CD72: variants seen among roughly 807,000 people sequenced by gnomAD.
The protein encoded by CD72 is B-cell differentiation antigen CD72.
CD72 carries 28 observed loss-of-function variants against 50.7 expected under a neutral mutation model. The observed-to-expected ratio is 0.55, with a 90% CI of 0.41 to 0.76. CD72 has a LOEUF of 0.76. Ranked by LOEUF, CD72 falls within the 30% of genes least tolerant of loss-of-function variation. The probability of loss-of-function intolerance (pLI) is 0.00; values close to 1 mark genes in which losing one functional copy is unlikely to be tolerated. For synonymous variants in CD72, 176 were observed against 171.2 expected (o/e 1.03, Z -0.22); for missense variants, 403 against 420.6 (o/e 0.96, Z 0.37).
chr9:35,611,982 G>A, intron 6 of CD72, 63 bp from the exon 7 acceptor site: 1 of 909,124 alleles, frequency 1.1e-6, no homozygotes, highest in Non-Finnish European at 1.9e-6. Context: ...GGAAGAAAAT[G>A]CACACCCTAG....
At chr9:35,623,426 C>A (rs937716401), upstream of CD72, among the ~76,000 whole-genome samples, 2 of 152,172 alleles carry the variant, frequency 1.3e-5, no homozygotes, top group Non-Finnish European at 2.9e-5. Flanking sequence ...GCCCCCTTAC[C>A]AAATACATCT....
At chr9:35,611,364 T>G (rs1339065992) in intron 7 of CD72, among the ~76,000 whole-genome samples, 4 of 152,172 alleles carry the variant, frequency 2.6e-5, no homozygotes, top group African/African-American at 9.7e-5. Flanking sequence ...TTGATCACAG[T>G]GAAGTGGAGC....
chr9:35,642,156 A>T (rs991510092), intron 1 of CD72, among the ~76,000 whole-genome samples: 1 of 152,160 alleles, frequency 6.6e-6, no homozygotes, highest in African/African-American at 2.4e-5. Context: ...TGAGGTCGGG[A>T]TCAGTCACGG....
chr9:35,632,778 G>A (rs1436826058), intron 1 of CD72, among the ~76,000 whole-genome samples: 4 of 150,688 alleles, frequency 2.7e-5, no homozygotes, highest in African/African-American at 4.9e-5. Context: ...GGTTTTCACC[G>A]TGTTGGCCAG....
chr9:35,612,704 G>A, intron 6 of CD72, 144 bp downstream of exon 6: 2 of 762,026 alleles, frequency 2.6e-6, no homozygotes, highest in South Asian at 3.5e-5. Flanking sequence ...AAGCTCAGAG[G>A]TCAAGAGTAT....
intron 1 of CD72, among the ~76,000 whole-genome samples, chr9:35,630,792 A>C (rs796520580): frequency 1.4e-4 from 21 of 152,308 alleles, no homozygotes; most frequent in African/African-American, 4.8e-4. Context: ...GGCTGGACGC[A>C]GTGGCTCACA....
chr9:35,618,029 G>C lies in CD72; in HGVS notation c.175C>G (p.Leu59Val). ...CTCTCCAGACCTGCTTTGTCCCCTA[G>C]TACAGAAGAAGCCAAGCTTGAGGGC... ...GVPSSLASSV[L>V]GDKAAVKSEQ... Residue 59 changes from leucine (L) to valine (V), a missense_variant, in exon 2 of 9, where the codon CTA becomes GTA. Transcript: ENST00000259633. The C allele has an allele frequency of 1.2e-6, 2 of 1,610,176 alleles. No individual in the cohort carries two copies. Among genetic ancestry groups the C allele is most frequent in the Non-Finnish European group, 1.7e-6 (2 of 1,176,388 alleles).
At chr9:35,615,910 C>A in intron 5 of CD72, 33 bp downstream of exon 5, 1 of 1,551,196 alleles carries the variant, frequency 6.4e-7, no homozygotes, top group Non-Finnish European at 8.9e-7. Flanking sequence ...TCCAATCCAT[C>A]CCTCCCTTCT....
intron 2 of CD72, 66 bp from the exon 3 acceptor site, chr9:35,617,313 C>A (rs551967200): frequency 2.0e-6 from 3 of 1,479,920 alleles, no homozygotes; most frequent in South Asian, 1.4e-5. Flanking sequence ...CTCCTGCGCA[C>A]CCGCTTCGCC....
At chr9:35,640,678 G>C (rs1293858519) in intron 1 of CD72, among the ~76,000 whole-genome samples, 2 of 152,240 alleles carry the variant, frequency 1.3e-5, no homozygotes, top group Non-Finnish European at 2.9e-5. Context: ...CGGCAGGTCT[G>C]CGACAGTGGC....
chr9:35,639,519 G>A (rs1172282592), intron 1 of CD72, among the ~76,000 whole-genome samples: 1 of 152,214 alleles, frequency 6.6e-6, no homozygotes, highest in Non-Finnish European at 1.5e-5. Flanking sequence ...CTGTCAAGGA[G>A]ACAGTGTAAA....
intron 1 of CD72, among the ~76,000 whole-genome samples, chr9:35,636,651 A>G (rs764250828): frequency 2.0e-5 from 3 of 152,154 alleles, no homozygotes; most frequent in African/African-American, 4.8e-5. Flanking sequence ...CCTATAAGTA[A>G]TTTCTTAAGA....
intron 1 of CD72, among the ~76,000 whole-genome samples, chr9:35,638,948 G>T (rs1235995224): frequency 6.6e-6 from 1 of 152,042 alleles, no homozygotes; most frequent in Non-Finnish European, 1.5e-5. Context: ...ACCCAGCCCA[G>T]TTCCTGGCCC....
intron 1 of CD72, among the ~76,000 whole-genome samples, chr9:35,638,866 G>A (rs10972536): frequency 0.048 from 7,272 of 152,010 alleles, 417 homozygotes; most frequent in East Asian, 0.3. Flanking sequence ...CTAGTTGAAG[G>A]GCTTAAAAAG....
At chr9:35,617,375 T>TG (rs1823082658) in intron 2 of CD72, 128 bp from the exon 3 acceptor site, 2 of 1,006,840 alleles carry the variant, frequency 2.0e-6, no homozygotes, top group South Asian at 3.4e-5. Context: ...AGAGCTGCTC[T>TG]GGGACACAGT....
upstream of CD72, among the ~76,000 whole-genome samples, chr9:35,623,677 G>T (rs970400557): frequency 6.6e-6 from 1 of 152,172 alleles, no homozygotes; most frequent in Non-Finnish European, 1.5e-5. Context: ...AGCTCTTTGG[G>T]AGGCCGAGGC....
At chr9:35,644,350 CAAAAAAAAAAAAAA>C (rs74176726) in intron 1 of CD72, among the ~76,000 whole-genome samples, 1 of 68,194 alleles carries the variant, frequency 1.5e-5, no homozygotes, top group African/African-American at 5.9e-5. Context: ...AACTCTGTCT[CAAAAAAAAAAAAAA>C]AAAAAAAAAA....
In CD72 at chr9:35,629,882, C is replaced by G. The variant is rs1432090553; in HGVS notation, n.409-11761G>C. 6.6e-5 allele frequency among the ~76,000 whole-genome samples: 10 copies of G among 152,222 alleles called. No individual in the cohort carries two copies. The South Asian group carries it at 2.1e-3, about 31-fold the overall frequency. Reference sequence around the variant, plus strand: ...CAGTTCCACTGATTATGTCAGCCCACTTTCTCCAATGACTTGAATTGTCAT... The same window carrying G: ...CAGTTCCACTGATTATGTCAGCCCAGTTTCTCCAATGACTTGAATTGTCAT... On this transcript the variant is annotated intron_variant and non_coding_transcript_variant, in intron 1 of 3. Coordinates refer to the CD72 transcript ENST00000465754.
Position 35,618,376 on chromosome 9 carries a change from C to T in CD72, c.-73G>A. 2 of 1,599,948 alleles carry T rather than the reference C, an allele frequency of 1.3e-6. No individual in the cohort carries two copies. Reference sequence around the variant, plus strand: ...CCTCCCTTGCCCCTCTCGTCTCTGTCCGTTTACAACTAGGCTCTGTGTTCC... The same window carrying T: ...CCTCCCTTGCCCCTCTCGTCTCTGTTCGTTTACAACTAGGCTCTGTGTTCC... On this transcript the variant is annotated 5_prime_UTR_variant, in exon 1 of 9. Coordinates refer to ENST00000259633, the MANE Select transcript of CD72 (RefSeq NM_001782.3).
Sources: allele counts gnomAD v4.1 joint callset (sites outside exome capture counted in the v4.1 genomes callset), GRCh38; gene constraint gnomAD v4.1.1; transcripts MANE v1.5; gene names NCBI Gene and HGNC (gene_info 2026-07-23, HGNC 2026-07-21).